ODAD2: variants seen among roughly 807,000 people sequenced by gnomAD.
ODAD2 encodes the protein outer dynein arm docking complex subunit 2.
A neutral mutation model predicts 106.8 loss-of-function variants in ODAD2; 89 were observed. That is an observed-to-expected ratio of 0.83 (90% CI 0.70 to 0.99). The LOEUF (loss-of-function observed/expected upper bound fraction) is 0.99. ODAD2 is among the 50% of genes least tolerant of loss of function. The pLI is 0.00. For synonymous variants in ODAD2, 404 were observed against 436.2 expected, an observed-to-expected ratio of 0.93 and a Z score of 0.92; for missense variants, 1,168 against 1,238.5, an observed-to-expected ratio of 0.94 and a Z score of 0.85.
In ODAD2 at chr10:27,961,569, T is replaced by C; in HGVS notation, c.1385A>G (p.Lys462Arg). ...WQIQKLVKYL[K>R]GGNQTATVIA... The stretch of plus-strand genomic sequence containing the variant: ...CATACTACCATAGACCTTTCTTACC[T>C]TTAAATATTTCACCAGCTTCTGAAT... Residue 462 changes from lysine (K) to arginine (R), a missense_variant and splice_region_variant, in exon 10 of 20, where the codon AAG (lysine) becomes AGG (arginine). Lys to Arg is a conservative substitution (Grantham distance 26). Transcript: ENST00000305242. The C allele has an allele frequency of 6.2e-7, 1 of 1,610,088 alleles. No individual in the cohort carries two copies. The highest frequency in any genetic ancestry group is 2.0e-4 in the Middle Eastern group (1 of 4,934).
At chr10:27,986,206 A>G (rs973680894) in intron 3 of ODAD2, among the ~76,000 whole-genome samples, 1 of 152,190 alleles carries the variant, frequency 6.6e-6, no homozygotes, top group African/African-American at 2.4e-5. Flanking sequence ...ATCTCAACTT[A>G]ACAACCTTAT....
chr10:27,944,794 C>G (rs750695430), intron 11 of ODAD2, 22 bp downstream of exon 11: 2 of 1,613,922 alleles, frequency 1.2e-6, no homozygotes, highest in Admixed American at 1.7e-5. Context: ...GACTCCGCAT[C>G]CAAGGTGACA....
chr10:27,816,698 T>A (rs1836159601), intron 19 of ODAD2, among the ~76,000 whole-genome samples: 1 of 152,166 alleles, frequency 6.6e-6, no homozygotes, highest in South Asian at 2.1e-4. Context: ...ATTGACAAGA[T>A]CCATGGTATG....
At chr10:27,934,878 A>G in intron 16 of ODAD2, 132 bp downstream of exon 16, 2 of 1,187,378 alleles carry the variant, frequency 1.7e-6, no homozygotes, top group Admixed American at 4.3e-5. Context: ...TAAACTTGTG[A>G]TTATTTATAT....
At chr10:27,934,938 C>T in intron 16 of ODAD2, 72 bp downstream of exon 16, 3 of 1,537,632 alleles carry the variant, frequency 2.0e-6, no homozygotes, top group Non-Finnish European at 1.8e-6. Context: ...TAAGTGATGA[C>T]ACTATTCTGT....
intron 19 of ODAD2, among the ~76,000 whole-genome samples, chr10:27,830,371 T>C (rs1175431185): frequency 6.6e-6 from 1 of 152,208 alleles, no homozygotes; most frequent in Non-Finnish European, 1.5e-5. Context: ...CCTGAAGCTC[T>C]CATTCTCTCA....
At chr10:27,985,310 C>A (rs771639674) in intron 3 of ODAD2, 99 bp from the exon 4 acceptor site, 19 of 1,002,352 alleles carry the variant, frequency 1.9e-5, no homozygotes, top group Non-Finnish European at 2.5e-5. Flanking sequence ...TCCATTCAGA[C>A]GTGTTTCTTT....
intron 9 of ODAD2, among the ~76,000 whole-genome samples, chr10:27,963,629 T>C (rs1054837387): frequency 6.6e-6 from 1 of 152,156 alleles, no homozygotes; most frequent in African/African-American, 2.4e-5. Context: ...TAAGGCCTTA[T>C]ATGAACCAAT....
intron 19 of ODAD2, among the ~76,000 whole-genome samples, chr10:27,823,485 T>G (rs1836772754): frequency 6.6e-6 from 1 of 152,324 alleles, no homozygotes; most frequent in South Asian, 2.1e-4. Flanking sequence ...CTGAGGTAAC[T>G]CTCTCTAAAC....
chr10:27,818,497 T>C (rs1176948737), intron 19 of ODAD2, among the ~76,000 whole-genome samples: 1 of 152,168 alleles, frequency 6.6e-6, no homozygotes, highest in African/African-American at 2.4e-5. Flanking sequence ...AATTTTGTTA[T>C]TACAGCCAGG....
chr10:27,862,340 T>C (rs1840106781), intron 18 of ODAD2, 94 bp downstream of exon 18: 1 of 999,058 alleles, frequency 1.0e-6, no homozygotes, highest in Non-Finnish European at 1.4e-6. Flanking sequence ...TAAACTTGAA[T>C]CCAGGTTTCT....
In ODAD2 at chr10:27,988,011, G is replaced by GA. The variant is rs199881398; in HGVS notation, c.225-469dup. ...CTGTGTTTATGAACAAAAAAACTAT[G>GA]AAAAAAAAAGCAAACTGAAGGCAAA... On this transcript the variant is annotated intron_variant, in intron 2 of 19. Transcript: ENST00000305242. Among the ~76,000 whole-genome samples the GA allele has an allele frequency of 5.0e-3, 727 of 146,206 alleles. 11 individuals are homozygous for GA. The highest frequency in any genetic ancestry group is 0.017 in the African/African-American group (678 of 39,602).
At chr10:27,824,994 C>T (rs1331516628) in intron 19 of ODAD2, among the ~76,000 whole-genome samples, 2 of 152,154 alleles carry the variant, frequency 1.3e-5, no homozygotes, top group East Asian at 3.9e-4. Context: ...AAAAATGACA[C>T]CTCAAAAGGG....
At chr10:27,958,872 C>T (rs1315061727) in intron 10 of ODAD2, 1 of 1,303,934 alleles carries the variant, frequency 7.7e-7, no homozygotes. Context: ...AATTTCAACT[C>T]AACTGGTCTT....
At chr10:27,854,691 G>A (rs1839535766) in intron 19 of ODAD2, among the ~76,000 whole-genome samples, 1 of 152,166 alleles carries the variant, frequency 6.6e-6, no homozygotes, top group Admixed American at 6.5e-5. Context: ...AGGAGGTAGA[G>A]GTTGCAGTGA....
Position 27,840,388 on chromosome 10 carries a change from C to T in ODAD2, c.3021+20237G>A, listed in dbSNP as rs557650198. Among the ~76,000 whole-genome samples the T allele has an allele frequency of 1.7e-3, 262 of 152,296 alleles. 1 individual carries two copies. The highest frequency in any genetic ancestry group is 2.6e-3 in the Non-Finnish European group (180 of 68,026). On this transcript the variant is annotated intron_variant, in intron 19 of 19. Coordinates refer to ENST00000305242, the MANE Select transcript of ODAD2 (RefSeq NM_018076.5). The stretch of plus-strand genomic sequence containing the variant: ...AATTTAAATTCTGAGTTGTCACTTT[C>T]GTGCACATCTTTTGGAGTGCCTTCC...
chr10:27,816,612 G>A (rs1836154893), intron 19 of ODAD2, among the ~76,000 whole-genome samples: 1 of 152,106 alleles, frequency 6.6e-6, no homozygotes, highest in South Asian at 2.1e-4. Flanking sequence ...CATAGGAAAA[G>A]GGTGAAAATA....
In ODAD2 at chr10:27,971,007, T is replaced by TAAAC. The variant is rs139300652; in HGVS notation, c.1142+97_1142+100dup. 5,114 of 404,260 alleles carry TAAAC rather than the reference T, an allele frequency of 0.013. 70 individuals are homozygous for TAAAC. The highest frequency in any genetic ancestry group is 0.015 in the Non-Finnish European group (3,867 of 260,708). 25.0% of individuals were successfully genotyped at this position (404,260 alleles called of 1,614,324 possible). On this transcript the variant is annotated intron_variant, in intron 8 of 19. Coordinates refer to ENST00000305242, the MANE Select transcript of ODAD2 (RefSeq NM_018076.5). ...ATAAATAAATAAATAAATAAATAAATAAACAAACAAACAAAATAAAATAAA... is the reference window on the plus strand; with the variant it reads ...ATAAATAAATAAATAAATAAATAAATAAACAAACAAACAAACAAAATAAAATAAA...
intron 19 of ODAD2, 109 bp downstream of exon 19, chr10:27,860,516 C>T: frequency 9.8e-7 from 1 of 1,024,184 alleles, no homozygotes; most frequent in African/African-American, 1.6e-5. Flanking sequence ...CAGGCAGGCA[C>T]TTTTGTGTCT....
Sources: gnomAD v4.1 joint callset for allele counts (sites outside exome capture counted in the v4.1 genomes callset) on GRCh38, gnomAD v4.1.1 for gene constraint, MANE v1.5 for transcripts, NCBI Gene and HGNC (gene_info 2026-07-23, HGNC 2026-07-21) for gene names.